Variants in PRAG1 observed in about 807,000 individuals in gnomAD.
PRAG1 encodes the protein PEAK1 related, kinase-activating pseudokinase 1.
In PRAG1, 110 loss-of-function variants were observed where a neutral mutation model predicts 95.6. That is an observed-to-expected ratio of 1.15 (90% confidence interval 0.99 to 1.35). PRAG1 has a LOEUF of 1.35. PRAG1 is among the 40% of genes most tolerant of loss of function. The probability of loss-of-function intolerance (pLI) is 0.00; values close to 1 mark genes in which losing one functional copy is unlikely to be tolerated. For missense variants in PRAG1, 2,554 were observed against 1,864.7 expected (o/e 1.37, Z -6.81); for synonymous variants, 1,052 against 819.4 (o/e 1.28, Z -4.85).
chr8:8,376,192 T>A, intron 3 of PRAG1, 55 bp downstream of exon 3: 1 of 1,567,802 alleles, frequency 6.4e-7, no homozygotes. Context: ...AAAGGTTTCT[T>A]CTGGAAGAGC....
intron 4 of PRAG1, among the ~76,000 whole-genome samples, chr8:8,337,860 G>A (rs754928417): frequency 7.2e-5 from 11 of 152,136 alleles, no homozygotes; most frequent in Non-Finnish European, 1.5e-4. Context: ...TGTGAGAGCC[G>A]TGTACAATTC....
Position 8,319,198 on chromosome 8 carries a change from C to T in PRAG1, c.3177G>A (p.Pro1059=), listed in dbSNP as rs771937990. Residue 1059 remains proline, a synonymous_variant, in exon 6 of 6, where the codon CCG becomes CCA. Coordinates refer to ENST00000615670, the MANE Select transcript of PRAG1 (RefSeq NM_001080826.3). The part of the protein sequence containing the change: ...QDCGHFVASV[P]SSMLSSPDAP... ...CGTCGGGGGAGCTGAGCATGCTGGA[C>T]GGCACCGAGGCGACGAAGTGGCCGC... 5 of 1,595,748 alleles carry T rather than the reference C, an allele frequency of 3.1e-6. No homozygotes were observed. The highest frequency in any genetic ancestry group is 2.3e-5 in the East Asian group (1 of 43,978).
At position 8,318,909 on chromosome 8, in the gene PRAG1, A is replaced by G; in HGVS notation, c.3466T>C (p.Cys1156Arg). 3.1e-6 allele frequency: 5 copies of G among 1,604,396 alleles called. No homozygotes were observed. Among genetic ancestry groups the G allele is most frequent in the Non-Finnish European group, 4.3e-6 (5 of 1,175,862 alleles). Residue 1156 changes from cysteine (C) to arginine (R), a missense_variant, in exon 6 of 6, where the codon TGC becomes CGC. Cys to Arg is a radical substitution (Grantham distance 180). Coordinates refer to ENST00000615670, the MANE Select transcript of PRAG1 (RefSeq NM_001080826.3). This position sits in a 1 kb window ranked among gnomAD's most constrained non-coding sequence, Gnocchi z 4.2. Reference sequence around the variant, plus strand: ...GGCCCGGGGCCGGCCTGGAGGGTGCAGTGCACCAGCAGCAGGTTCTCCAGG... The same window carrying G: ...GGCCCGGGGCCGGCCTGGAGGGTGCGGTGCACCAGCAGCAGGTTCTCCAGG... Reference protein sequence around the residue: ...LCLENLLLVHCTLQAGPGPAP... With the variant: ...LCLENLLLVHRTLQAGPGPAP...
Position 8,377,077 on chromosome 8 carries a change from C to A in PRAG1, c.1332G>T (p.Gln444His), listed in dbSNP as rs1800434086. The A allele has an allele frequency of 6.2e-7, 1 of 1,613,956 alleles. No individual in the cohort carries two copies. Among genetic ancestry groups the A allele is most frequent in the Non-Finnish European group, 8.5e-7 (1 of 1,180,030 alleles). ...GGGCCCAGGCATTACCTGTGCATAC[C>A]TGGCCTTGGCCCTGGGCAGCAGCTG... ...EHAAAAQGQG[Q>H]VCTGNAWAQK... is the part of the protein sequence containing the mutation. The change falls in exon 3 of 6, where the codon CAG (glutamine) becomes CAT (histidine). Residue 444 changes from glutamine to histidine, a missense_variant. Transcript: ENST00000615670.
At chr8:8,329,210 T>A (rs1237461539) in intron 4 of PRAG1, among the ~76,000 whole-genome samples, 1 of 151,962 alleles carries the variant, frequency 6.6e-6, no homozygotes, top group African/African-American at 2.4e-5. Flanking sequence ...CTGGCCAACA[T>A]GGTGAAATCC....
chr8:8,357,220 G>A (rs1799709938), intron 3 of PRAG1, among the ~76,000 whole-genome samples: 2 of 152,142 alleles, frequency 1.3e-5, no homozygotes, highest in South Asian at 4.1e-4. Context: ...GTGCATCAAA[G>A]GACATAATCA....
Position 8,376,560 on chromosome 8 carries a change from C to T in PRAG1, c.1849G>A (p.Ala617Thr), listed in dbSNP as rs749572667. 3.7e-6 allele frequency: 6 copies of T among 1,608,398 alleles called. No homozygotes were observed. Among genetic ancestry groups the T allele is most frequent in the African/African-American group, 1.3e-5 (1 of 74,814 alleles). ...CGCCTCTGTTCCGAGGCTGACGAGGCGGCAGGCTGGGGACACCTGGATGGG... is the reference window on the plus strand; with the variant it reads ...CGCCTCTGTTCCGAGGCTGACGAGGTGGCAGGCTGGGGACACCTGGATGGG... ...SDPSRCPQPAASSASEQRRPR... is the reference protein window; with the variant it reads ...SDPSRCPQPATSSASEQRRPR... The change falls in exon 3 of 6, where the codon GCC becomes ACC. Residue 617 changes from alanine (A) to threonine (T), a missense_variant. Coordinates refer to ENST00000615670, the MANE Select transcript of PRAG1 (RefSeq NM_001080826.3).
Position 8,327,810 on chromosome 8 carries a change from A to T in PRAG1, c.2972T>A (p.Leu991His). Residue 991 changes from leucine (L) to histidine (H), a missense_variant, in exon 5 of 6, where the codon CTC becomes CAC. Physicochemically the swap from Leu to His is moderately conservative, Grantham distance 99. Coordinates refer to ENST00000615670, the MANE Select transcript of PRAG1 (RefSeq NM_001080826.3). ...ELHFNENNWS[L>H]FKLTCNKPCC... Reference sequence around the variant, plus strand: ...GGGCTTGTTACAAGTCAGCTTGAAGAGCGACCAGTTATTCTCATTGAAGTG... The same window carrying T: ...GGGCTTGTTACAAGTCAGCTTGAAGTGCGACCAGTTATTCTCATTGAAGTG... 6.2e-7 allele frequency: 1 copy of T among 1,614,194 alleles called. No homozygotes were observed. The highest frequency in any genetic ancestry group is 8.5e-7 in the Non-Finnish European group (1 of 1,180,016).
At chr8:8,344,925 T>C (rs898264525) in intron 3 of PRAG1, among the ~76,000 whole-genome samples, 2 of 152,154 alleles carry the variant, frequency 1.3e-5, no homozygotes, top group Non-Finnish European at 2.9e-5. Flanking sequence ...CTTTTAAGAC[T>C]TGGGAGTTAA....
chr8:8,350,449 G>A lies in PRAG1; in HGVS notation c.2163-10814C>T, dbSNP rs530134490. Reference sequence around the variant, plus strand: ...AAACTCACATCTGTTCACACAAGAGGAGCAGATGGGAAGAAAAGGAGATGA... The same window carrying A: ...AAACTCACATCTGTTCACACAAGAGAAGCAGATGGGAAGAAAAGGAGATGA... On this transcript the variant is annotated intron_variant, in intron 3 of 5. Coordinates refer to ENST00000615670, the MANE Select transcript of PRAG1 (RefSeq NM_001080826.3). Among the ~76,000 whole-genome samples, 3 of 152,302 alleles carry A rather than the reference G, an allele frequency of 2.0e-5. No homozygotes were observed. In the South Asian group the frequency reaches 6.2e-4, roughly 32 times the overall value.
intron 3 of PRAG1, among the ~76,000 whole-genome samples, chr8:8,344,332 G>C (rs924298653): frequency 2.0e-5 from 3 of 152,142 alleles, no homozygotes; most frequent in African/African-American, 7.2e-5. Context: ...GCAATATGAA[G>C]AAATATTTTA....
intron 3 of PRAG1, among the ~76,000 whole-genome samples, chr8:8,352,553 T>C (rs568620739): frequency 6.6e-6 from 1 of 152,368 alleles, no homozygotes; most frequent in South Asian, 2.1e-4. Flanking sequence ...CTCTCTCAAG[T>C]AAGTCCTCTA....
intron 4 of PRAG1, among the ~76,000 whole-genome samples, chr8:8,332,921 G>A (rs1025976507): frequency 6.6e-6 from 1 of 150,896 alleles, no homozygotes; most frequent in Non-Finnish European, 1.5e-5. Flanking sequence ...CCACACTCTG[G>A]ATTAGGCAAG....
At chr8:8,321,566 G>T (rs1480728679) in intron 5 of PRAG1, among the ~76,000 whole-genome samples, 1 of 152,190 alleles carries the variant, frequency 6.6e-6, no homozygotes, top group Non-Finnish European at 1.5e-5. Flanking sequence ...CTGGGCTCTT[G>T]CATGTGCAAG....
chr8:8,357,995 C>G (rs2979232), intron 3 of PRAG1, among the ~76,000 whole-genome samples: 8,215 of 152,284 alleles, frequency 0.054, 359 homozygotes, highest in Non-Finnish European at 0.09. Context: ...AATTCTGACA[C>G]TATCTACCTA....
At chr8:8,335,475 G>C (rs562672037) in intron 4 of PRAG1, among the ~76,000 whole-genome samples, 2 of 152,150 alleles carry the variant, frequency 1.3e-5, no homozygotes, top group African/African-American at 4.8e-5. Context: ...TAAAAGTGAT[G>C]GTAGGAGCTG....
chr8:8,373,065 G>A (rs1047267194), intron 3 of PRAG1, among the ~76,000 whole-genome samples: 3 of 152,226 alleles, frequency 2.0e-5, no homozygotes, highest in African/African-American at 7.2e-5. Context: ...GACCTTGTAT[G>A]TTGCTTGAAG....
At chr8:8,379,525 C>A (rs1331158021) in intron 2 of PRAG1, among the ~76,000 whole-genome samples, 1 of 152,112 alleles carries the variant, frequency 6.6e-6, no homozygotes, top group Admixed American at 6.5e-5. Context: ...ACAGAGCAGC[C>A]CGGAAGGGGA....
intron 4 of PRAG1, among the ~76,000 whole-genome samples, chr8:8,337,946 T>A (rs1799043236): frequency 6.6e-6 from 1 of 152,154 alleles, no homozygotes; most frequent in South Asian, 2.1e-4. Context: ...ACTGGTCTCA[T>A]CCTTCTCCCA....
Sources: gnomAD v4.1 joint callset for allele counts (sites outside exome capture counted in the v4.1 genomes callset) on GRCh38, gnomAD v4.1.1 for gene constraint, Gnocchi (gnomAD v3.1) non-coding constraint, MANE v1.5 for transcripts, NCBI Gene and HGNC (gene_info 2026-07-23, HGNC 2026-07-21) for gene names.